DMRT2: variants seen among roughly 807,000 people sequenced by gnomAD.
DMRT2 encodes doublesex and mab-3 related transcription factor 2, also known as doublesex- and mab-3-related transcription factor 2.
In DMRT2, 33 loss-of-function variants were observed where a neutral mutation model predicts 43.5. That is an observed-to-expected ratio of 0.76 (90% CI 0.58 to 1.01). The LOEUF is 1.01. Among genes scored for constraint, DMRT2 ranks in the 50% least tolerant of loss-of-function variants. The pLI, the probability that DMRT2 is intolerant of heterozygous loss-of-function variation, is 0.00. For missense variants in DMRT2, 1,064 were observed against 748.0 expected (o/e 1.42, Z -4.93); for synonymous variants, 395 against 309.2 (o/e 1.28, Z -2.91).
chr9:1,055,680 C>G, intron 3 of DMRT2: 1 of 1,448,486 alleles, frequency 6.9e-7, no homozygotes, highest in Non-Finnish European at 9.2e-7. Context: ...TTTTTCTACT[C>G]GCTAATCTCC....
chr9:1,053,965 T>C (rs1341287103), intron 3 of DMRT2, 141 bp downstream of exon 3: 1 of 648,068 alleles, frequency 1.5e-6, no homozygotes, highest in Non-Finnish European at 2.5e-6. Context: ...GTTTAGGTGT[T>C]CGCTGAGCCC....
chr9:1,056,059 C>G, intron 3 of DMRT2, 157 bp from the exon 4 acceptor site: 6 of 1,442,864 alleles, frequency 4.2e-6, no homozygotes, highest in Non-Finnish European at 3.6e-6. Context: ...CTCTTTCAAA[C>G]CTAATCTGTA....
rs746875160 is a variant in DMRT2, at chr9:1,056,902, A to T, written c.1315A>T (p.Ile439Phe). 5 of 1,614,134 alleles carry T rather than the reference A, an allele frequency of 3.1e-6. 2 individuals carry two copies. In the South Asian group the frequency reaches 4.4e-5, roughly 14 times the overall value. Residue 439 changes from isoleucine to phenylalanine, a missense_variant, in exon 4 of 4, where the codon ATT becomes TTT. Ile to Phe is a conservative substitution (Grantham distance 21). Coordinates refer to ENST00000358146, the MANE Select transcript of DMRT2 (RefSeq NM_181872.6). ...FSPPRRNFSP[I>F]VDTDSLAAQG... ...CCCACCCCGACGGAATTTCTCTCCC[A>T]TTGTTGACACGGACTCCCTGGCAGC...
chr9:1,052,696 G>A (rs981833213), intron 2 of DMRT2, among the ~76,000 whole-genome samples: 5 of 152,136 alleles, frequency 3.3e-5, no homozygotes, highest in African/African-American at 1.2e-4. Context: ...CGAAGCTACT[G>A]TCCCTGCAAA....
At chr9:1,055,922 T>A (rs1821951328) in intron 3 of DMRT2, 1 of 1,413,776 alleles carries the variant, frequency 7.1e-7, no homozygotes, top group Non-Finnish European at 9.2e-7. Context: ...ATTAAAATTT[T>A]AATCAATAAA....
At chr9:1,055,876 T>C (rs1821947655) in intron 3 of DMRT2, 2 of 1,509,092 alleles carry the variant, frequency 1.3e-6, no homozygotes, top group African/African-American at 2.9e-5. Context: ...AGATAAATAG[T>C]CTTGTCTCTT....
Position 1,051,597 on chromosome 9 carries a change from G to A in DMRT2, c.-17G>A. ...TGAGGGCCGCCAGGCTCAGGCCCCA[G>A]CGAAGCCCCGAGCGCCATGGCCGAC... On this transcript the variant is annotated 5_prime_UTR_variant, in exon 2 of 4. Coordinates refer to ENST00000358146, the MANE Select transcript of DMRT2 (RefSeq NM_181872.6). The surrounding 1 kb of genome is among the most constrained non-coding windows in gnomAD (Gnocchi z 5.9). The A allele has an allele frequency of 1.3e-6, 2 of 1,520,998 alleles. No individual in the cohort carries two copies. The highest frequency in any genetic ancestry group is 2.4e-5 in the South Asian group (2 of 82,120). The allele number at this position is 1,520,998 out of a possible 1,614,324, so 94.2% of individuals were successfully genotyped here.
chr9:1,050,374 T>A lies in DMRT2; in HGVS notation c.-446T>A, dbSNP rs575272694. The A allele has an allele frequency of 9.8e-5, 15 of 152,312 alleles. No individual in the cohort carries two copies. In the South Asian group the frequency reaches 3.1e-3, roughly 32 times the overall value. 9.4% of individuals were successfully genotyped at this position (152,312 alleles called of 1,614,324 possible). A position where few individuals can be genotyped will look rare whatever the true frequency, so the allele number is the denominator to read the frequency against. Reference sequence around the variant, plus strand: ...CTGAAGCCAGTGGCGCTGCGCTGAATGCAACTGCGCGCGCCCGCCGGGTGA... The same window carrying A: ...CTGAAGCCAGTGGCGCTGCGCTGAAAGCAACTGCGCGCGCCCGCCGGGTGA... On this transcript the variant is annotated 5_prime_UTR_variant, in exon 1 of 4. An upstream start codon of the reference 5' UTR is lost. Coordinates refer to ENST00000358146, the MANE Select transcript of DMRT2 (RefSeq NM_181872.6).
At position 1,056,918 on chromosome 9, in the gene DMRT2, C is replaced by G. The variant is rs1325134771; in HGVS notation, c.1331C>G (p.Ser444Cys). The G allele has an allele frequency of 2.5e-6, 4 of 1,614,170 alleles. No homozygotes were observed. Among genetic ancestry groups the G allele is most frequent in the East Asian group, 4.5e-5 (2 of 44,884 alleles). Residue 444 changes from serine (S) to cysteine (C), a missense_variant, in exon 4 of 4, where the codon TCC (serine) becomes TGC (cysteine). Coordinates refer to ENST00000358146, the MANE Select transcript of DMRT2 (RefSeq NM_181872.6). ...RNFSPIVDTD[S>C]LAAQGHVLTK... is the part of the protein sequence containing the mutation. The stretch of plus-strand genomic sequence containing the variant: ...TTCTCTCCCATTGTTGACACGGACT[C>G]CCTGGCAGCTCAAGGGCATGTCTTA...
At chr9:1,055,996 G>GAACAAC in intron 3 of DMRT2, 2 of 1,411,584 alleles carry the variant, frequency 1.4e-6, no homozygotes, top group East Asian at 2.6e-5. Flanking sequence ...ACAAGAACAA[G>GAACAAC]AACAACAACA....
At chr9:1,052,189 G>A (rs898826652) in intron 2 of DMRT2, 51 bp downstream of exon 2, 2 of 1,296,998 alleles carry the variant, frequency 1.5e-6, no homozygotes, top group East Asian at 6.3e-5. Context: ...AGGTGGGGGA[G>A]TTGGAGGGGA....
At position 1,050,753 on chromosome 9, in the gene DMRT2, C is replaced by T. The variant is rs1481067743; in HGVS notation, c.-67C>T. ...AGCTGGATATCTTTTAACTGGGCTA[C>T]CAGCCCGGGCCTCAAAGTTTTGGTG... On this transcript the variant is annotated 5_prime_UTR_variant, in exon 1 of 4. Coordinates refer to ENST00000358146, the MANE Select transcript of DMRT2 (RefSeq NM_181872.6). 6.6e-6 allele frequency: 1 copy of T among 152,270 alleles called. No individual in the cohort carries two copies. The highest frequency in any genetic ancestry group is 1.5e-5 in the Non-Finnish European group (1 of 68,080). The allele number at this position is 152,270 out of a possible 1,614,324, so 9.4% of individuals were successfully genotyped here. A position where few individuals can be genotyped will look rare whatever the true frequency, so the allele number is the denominator to read the frequency against.
Position 1,051,302 on chromosome 9 carries a change from C to A in DMRT2, c.-44-268C>A, listed in dbSNP as rs1378081613. Among the ~76,000 whole-genome samples the A allele has an allele frequency of 6.6e-6, 1 of 152,112 alleles. No homozygotes were observed. Among genetic ancestry groups the A allele is most frequent in the Non-Finnish European group, 1.5e-5 (1 of 68,020 alleles). The stretch of plus-strand genomic sequence containing the variant: ...TACCCAGGGACTTGTCCGGAAAGCC[C>A]GTGTAAAGCCAGAGAGGGCCACGGT... On this transcript the variant is annotated intron_variant, in intron 1 of 3. Transcript: ENST00000358146. The surrounding 1 kb of genome is among the most constrained non-coding windows in gnomAD (Gnocchi z 5.9).
chr9:1,057,049 A>T lies in DMRT2; in HGVS notation c.1462A>T (p.Lys488Ter), dbSNP rs772166978. Residue 488 changes from lysine (K) to a stop codon, truncating the protein, a stop_gained, in exon 4 of 4, where the codon AAA becomes TAA. Transcript: ENST00000358146. LOFTEE classifies it high-confidence loss of function. ...TACTGACAAATCGGGTCCTGAGTTG[A>T]AAACACCATTTGTCAAAGAGGCCTT... ...TLTDKSGPELKTPFVKEAFEE... is the reference protein window; with the variant it reads ...TLTDKSGPEL The T allele has an allele frequency of 6.2e-7, 1 of 1,614,248 alleles. No individual in the cohort carries two copies. Among genetic ancestry groups the T allele is most frequent in the East Asian group, 2.2e-5 (1 of 44,890 alleles).
At position 1,053,836 on chromosome 9, in the gene DMRT2, A is replaced by C. The variant is rs1421857702; in HGVS notation, c.628+12A>C. The C allele has an allele frequency of 1.9e-6, 3 of 1,608,818 alleles. No individual in the cohort carries two copies. The African/African-American group carries it at 4.0e-5, about 22-fold the overall frequency. On this transcript the variant is annotated intron_variant, in intron 3 of 3. Coordinates refer to ENST00000358146, the MANE Select transcript of DMRT2 (RefSeq NM_181872.6). ...AAGCATTTTAGAAGGTAAAGCAACA[A>C]AATTATCCTTCAGCCTTTTAAACAG...
rs1038338996 is a variant in DMRT2, at chr9:1,051,349, G to C, written c.-44-221G>C. 3.3e-5 allele frequency among the ~76,000 whole-genome samples: 5 copies of C among 152,224 alleles called. No homozygotes were observed. Among genetic ancestry groups the C allele is most frequent in the Non-Finnish European group, 7.3e-5 (5 of 68,046 alleles). On this transcript the variant is annotated intron_variant, in intron 1 of 3. Coordinates refer to ENST00000358146, the MANE Select transcript of DMRT2 (RefSeq NM_181872.6). This position sits in a 1 kb window ranked among gnomAD's most constrained non-coding sequence, Gnocchi z 5.9. ...CGGTTAAAGGTCAGGTACTCACAGA[G>C]CACTTAGAATTAATAAAATAAAACC... is the stretch of plus-strand genomic sequence containing the variant.
rs1821569285 is a variant in DMRT2 at position 1,051,491 on chromosome 9, C to T, written c.-44-79C>T. The T allele has an allele frequency of 7.2e-7, 1 of 1,396,224 alleles. No homozygotes were observed. The highest frequency in any genetic ancestry group is 3.3e-5 in the Admixed American group (1 of 30,158). 86.5% of individuals were successfully genotyped at this position (1,396,224 alleles called of 1,614,324 possible). ...CTCAAGCGGCCGGAGGCGGGCAGAC[C>T]AGGAGCTTTGGGCCGGAGGCTCAGG... On this transcript the variant is annotated intron_variant, in intron 1 of 3. Transcript: ENST00000358146. This position sits in a 1 kb window ranked among gnomAD's most constrained non-coding sequence, Gnocchi z 5.9.
chr9:1,052,095 T>C lies in DMRT2; in HGVS notation c.482T>C (p.Val161Ala). 1 of 1,444,832 alleles carries C rather than the reference T, an allele frequency of 6.9e-7. No individual in the cohort carries two copies. The highest frequency in any genetic ancestry group is 9.0e-7 in the Non-Finnish European group (1 of 1,105,662). The allele number at this position is 1,444,832 out of a possible 1,614,324, so 89.5% of individuals were successfully genotyped here. A position where few individuals can be genotyped will look rare whatever the true frequency, so the allele number is the denominator to read the frequency against. The part of the protein sequence containing the change: ...NCLLVVERQR[V>A]MAAQVALRRQ... ...CTGCTGGTGGTGGAGCGGCAGCGCG[T>C]CATGGCCGCCCAGGTGGCGCTCCGG... Residue 161 changes from valine to alanine, a missense_variant, in exon 2 of 4, where the codon GTC (valine) becomes GCC (alanine). Transcript: ENST00000358146.
intron 3 of DMRT2, among the ~76,000 whole-genome samples, chr9:1,054,408 CTTTTTTT>C (rs34422902): frequency 7.2e-6 from 1 of 138,150 alleles, no homozygotes; most frequent in Non-Finnish European, 1.6e-5. Context: ...TTTCATTGTA[CTTTTTTT>C]TTTTTTTTTG....
Sources: gnomAD v4.1 joint callset for allele counts (sites outside exome capture counted in the v4.1 genomes callset) on GRCh38, gnomAD v4.1.1 for gene constraint, Gnocchi (gnomAD v3.1) non-coding constraint, MANE v1.5 for transcripts, NCBI Gene and HGNC (gene_info 2026-07-23, HGNC 2026-07-21) for gene names.